Variants in PES1 observed in about 807,000 individuals in gnomAD.
The protein encoded by PES1 is pescadillo homolog.
A neutral mutation model predicts 77.1 loss-of-function variants in PES1; 31 were observed. The observed-to-expected ratio is 0.40, with a 90% confidence interval of 0.30 to 0.54. The LOEUF is 0.54. Ranked by LOEUF, PES1 falls within the 20% of genes least tolerant of loss-of-function variation. The pLI is 0.45. For missense variants in PES1, 658 were observed against 771.7 expected (o/e 0.85, Z 1.75); for synonymous variants, 282 against 303.0 (o/e 0.93, Z 0.72).
In PES1 at chr22:30,578,992, T is replaced by TGGG; in HGVS notation, c.1525_1527dup (p.Pro509dup). On this transcript the variant is annotated inframe_insertion, in exon 14 of 15. Transcript: ENST00000354694. ...AGCTTCAAGGTGCCTGCCATCACCC[T>TGGG]GGGCTTCTGGGGACACAAGGAGGGT... The TGGG allele has an allele frequency of 6.2e-7, 1 of 1,610,316 alleles. No individual in the cohort carries two copies. Among genetic ancestry groups the TGGG allele is most frequent in the Non-Finnish European group, 8.5e-7 (1 of 1,179,992 alleles).
At chr22:30,583,948 G>A (rs2087025713) in intron 6 of PES1, among the ~76,000 whole-genome samples, 1 of 152,258 alleles carries the variant, frequency 6.6e-6, no homozygotes, top group East Asian at 1.9e-4. Flanking sequence ...GCAAAGCAGG[G>A]ACGAGGAGCC....
At chr22:30,595,003 G>A (rs921548471), upstream of PES1, among the ~76,000 whole-genome samples, 25 of 151,966 alleles carry the variant, frequency 1.6e-4, no homozygotes, top group African/African-American at 4.1e-4. Flanking sequence ...ATAAACAAAC[G>A]AACAAACAAA....
In PES1 at chr22:30,579,622, T is replaced by C. The variant is rs142549711; in HGVS notation, c.1354+129A>G. ...TAGATGTCCCTTCTCCTAAGCCTTATTCTACAGGTGACTTCAAAGGGCTTT... is the reference window on the plus strand; with the variant it reads ...TAGATGTCCCTTCTCCTAAGCCTTACTCTACAGGTGACTTCAAAGGGCTTT... On this transcript the variant is annotated intron_variant, in intron 12 of 14. Coordinates refer to ENST00000354694, the MANE Select transcript of PES1 (RefSeq NM_014303.4). 8.6e-3 allele frequency: 7,393 copies of C among 863,188 alleles called. 88 individuals are homozygous for C. The highest frequency in any genetic ancestry group is 0.029 in the South Asian group (1,728 of 59,070). 53.5% of individuals were successfully genotyped at this position (863,188 alleles called of 1,614,324 possible).
intron 2 of PES1, among the ~76,000 whole-genome samples, chr22:30,597,911 T>A (rs1428675791): frequency 7.6e-6 from 1 of 131,688 alleles, no homozygotes; most frequent in Non-Finnish European, 1.6e-5. Context: ...TGAGTCGGAG[T>A]CTCACTCTGT....
At chr22:30,591,493 T>C (rs181020876) in intron 1 of PES1, among the ~76,000 whole-genome samples, 4 of 152,308 alleles carry the variant, frequency 2.6e-5, no homozygotes, top group East Asian at 3.9e-4. Flanking sequence ...CGGTGAGCTC[T>C]ACGTAATGTT....
chr22:30,584,260 C>T, intron 6 of PES1, 105 bp downstream of exon 6: 1 of 893,244 alleles, frequency 1.1e-6, no homozygotes, highest in Non-Finnish European at 1.8e-6. Flanking sequence ...CAGTTGGGAA[C>T]CCAGCACTTG....
intron 2 of PES1, among the ~76,000 whole-genome samples, chr22:30,604,857 C>G (rs1403526255): frequency 6.6e-6 from 1 of 151,968 alleles, no homozygotes; most frequent in African/African-American, 2.4e-5. Flanking sequence ...ACAGGAGGAT[C>G]GCTTGAGCCC....
intron 4 of PES1, chr22:30,586,965 C>T (rs777436961): frequency 3.2e-6 from 1 of 312,186 alleles, no homozygotes. Context: ...CCACGTCTCA[C>T]CAGGTACCCG....
At chr22:30,581,279 G>C (rs1000462469) in intron 8 of PES1, 55 bp downstream of exon 8, 2 of 1,575,572 alleles carry the variant, frequency 1.3e-6, no homozygotes, top group African/African-American at 2.7e-5. Flanking sequence ...AGAGGTGTTG[G>C]GGACAGAGAC....
At chr22:30,606,144 C>T (rs1045779511) in intron 1 of PES1, among the ~76,000 whole-genome samples, 3 of 152,316 alleles carry the variant, frequency 2.0e-5, no homozygotes, top group African/African-American at 7.2e-5. Flanking sequence ...TCCCTGTTTG[C>T]AGAGATTTTT....
intron 2 of PES1, among the ~76,000 whole-genome samples, chr22:30,605,121 A>C (rs1404877568): frequency 6.6e-6 from 1 of 151,982 alleles, no homozygotes; most frequent in Non-Finnish European, 1.5e-5. Flanking sequence ...TAGCCTCTAG[A>C]TTAGCTGAGA....
Position 30,578,886 on chromosome 22 carries a change from T to C in PES1, c.1634A>G (p.Lys545Arg). 2 of 1,613,004 alleles carry C rather than the reference T, an allele frequency of 1.2e-6. No homozygotes were observed. Among genetic ancestry groups the C allele is most frequent in the Non-Finnish European group, 1.7e-6 (2 of 1,180,014 alleles). ...LAIMMMKKREKYLYQKIMFGK... is the reference protein window; with the variant it reads ...LAIMMMKKRERYLYQKIMFGK... ...AAACATGATCTTCTGGTACAGGTAC[T>C]TCTCCCGCTTCTTCATCATCATAAT... is the stretch of plus-strand genomic sequence containing the variant. The change falls in exon 14 of 15, where the codon AAG becomes AGG. Residue 545 changes from lysine to arginine, a missense_variant. Coordinates refer to ENST00000354694, the MANE Select transcript of PES1 (RefSeq NM_014303.4).
At chr22:30,592,374 CTT>C (rs2087196864), upstream of PES1, 4 of 988,474 alleles carry the variant, frequency 4.0e-6, 1 homozygote, top group East Asian at 1.1e-4. Flanking sequence ...TTCGGGTTCT[CTT>C]TGGTTCATTC....
rs377504870 is a variant in PES1, at chr22:30,579,744, C to T, written c.1354+7G>A. 45 of 1,613,300 alleles carry T rather than the reference C, an allele frequency of 2.8e-5. No homozygotes were observed. In the African/African-American group the frequency reaches 3.1e-4, roughly 11 times the overall value. On this transcript the variant is annotated splice_region_variant and intron_variant, in intron 12 of 14. Coordinates refer to ENST00000354694, the MANE Select transcript of PES1 (RefSeq NM_014303.4). ...GGTCAAGGCCAGCCCAGTCCCATCC[C>T]GCTCACCTGGGTCCTCTCCCCGCTG...
chr22:30,587,199 T>C, intron 4 of PES1, 87 bp downstream of exon 4: 1 of 984,136 alleles, frequency 1.0e-6, no homozygotes, highest in South Asian at 1.4e-5. Flanking sequence ...AGGGTCTTGG[T>C]CTTATTCCCT....
At chr22:30,606,742 A>C in intron 1 of PES1, 1 of 449,788 alleles carries the variant, frequency 2.2e-6, no homozygotes, top group Non-Finnish European at 2.7e-6. Flanking sequence ...CCACCCCCAC[A>C]ATCCCCTCCC....
At chr22:30,601,406 CT>C (rs1357694402) in intron 2 of PES1, among the ~76,000 whole-genome samples, 24 of 152,122 alleles carry the variant, frequency 1.6e-4, no homozygotes, top group Admixed American at 1.6e-3. Flanking sequence ...CGTTCGCCTC[CT>C]GGGTTCCAGC....
At chr22:30,599,968 T>G (rs2087329417) in intron 2 of PES1, among the ~76,000 whole-genome samples, 1 of 152,208 alleles carries the variant, frequency 6.6e-6, no homozygotes, top group Non-Finnish European at 1.5e-5. Context: ...ACAATTGTCA[T>G]GTAATTTAAA....
chr22:30,588,504 G>C (rs1174664943), intron 2 of PES1, among the ~76,000 whole-genome samples: 1 of 152,194 alleles, frequency 6.6e-6, no homozygotes, highest in Non-Finnish European at 1.5e-5. Context: ...GTGGCTAGGC[G>C]TGATGGCTCA....
Sources: gnomAD v4.1 joint callset for allele counts (sites outside exome capture counted in the v4.1 genomes callset) on GRCh38, gnomAD v4.1.1 for gene constraint, MANE v1.5 for transcripts, NCBI Gene and HGNC (gene_info 2026-07-23, HGNC 2026-07-21) for gene names.